KANK2: variants seen among roughly 807,000 people sequenced by gnomAD.
KANK2 encodes the protein KN motif and ankyrin repeat domains 2.
Under a neutral mutation model 74.6 loss-of-function variants are expected in KANK2, and 41 were observed. That is an observed-to-expected ratio of 0.55 (90% CI 0.43 to 0.71). The LOEUF is 0.71. KANK2 is among the 30% of genes least tolerant of loss of function. The pLI, the probability that KANK2 is intolerant of heterozygous loss-of-function variation, is 0.00. For missense variants in KANK2, 1,148 were observed against 1,196.4 expected, an observed-to-expected ratio of 0.96 and a Z score of 0.60; for synonymous variants, 537 against 519.0, an observed-to-expected ratio of 1.03 and a Z score of -0.47.
rs1414406061 is a variant in KANK2 at position 11,166,288 on chromosome 19, G to A, written c.*270C>T. 1 of 366,632 alleles carries A rather than the reference G, an allele frequency of 2.7e-6. No individual in the cohort carries two copies. The highest frequency in any genetic ancestry group is 4.4e-5 in the Admixed American group (1 of 22,592). 22.7% of individuals were successfully genotyped at this position (366,632 alleles called of 1,614,324 possible). A position where few individuals can be genotyped will look rare whatever the true frequency, so the allele number is the denominator to read the frequency against. On this transcript the variant is annotated 3_prime_UTR_variant, in exon 13 of 13. Coordinates refer to ENST00000586659, the MANE Select transcript of KANK2 (RefSeq NM_001136191.3). ...TGTTCTTCATAAAACCCACACCCCAGCATCAGCCCTGGCGCCAATGTATAC... is the reference window on the plus strand; with the variant it reads ...TGTTCTTCATAAAACCCACACCCCAACATCAGCCCTGGCGCCAATGTATAC...
chr19:11,172,696 C>T (rs1249930562), intron 10 of KANK2, among the ~76,000 whole-genome samples: 2 of 152,172 alleles, frequency 1.3e-5, no homozygotes, highest in African/African-American at 2.4e-5. Flanking sequence ...GGAGACCATG[C>T]CTGCTTGTTC....
rs965031582 is a variant in KANK2, at chr19:11,170,849, G to A, written c.2212-601C>T. Among the ~76,000 whole-genome samples the A allele has an allele frequency of 6.6e-6, 1 of 152,116 alleles. No individual in the cohort carries two copies. The highest frequency in any genetic ancestry group is 2.1e-4 in the South Asian group (1 of 4,818). On this transcript the variant is annotated intron_variant, in intron 10 of 12. Coordinates refer to ENST00000586659, the MANE Select transcript of KANK2 (RefSeq NM_001136191.3). This position sits in a 1 kb window ranked among gnomAD's most constrained non-coding sequence, Gnocchi z 5.2. ...TTAATTATTTTTTTTTGGAGATGGC[G>A]TCTCGCTCTGTCACCAGGCTGGAGT... is the stretch of plus-strand genomic sequence containing the variant.
In KANK2 at chr19:11,192,791, C is replaced by T. The variant is rs199529899; in HGVS notation, c.1249+40G>A. The T allele has an allele frequency of 1.9e-4, 298 of 1,582,598 alleles. 5 individuals are homozygous for T. Among genetic ancestry groups the T allele is most frequent in the Admixed American group, 6.5e-4 (38 of 58,692 alleles). On this transcript the variant is annotated intron_variant, in intron 4 of 12. Coordinates refer to ENST00000586659, the MANE Select transcript of KANK2 (RefSeq NM_001136191.3). The stretch of plus-strand genomic sequence containing the variant: ...GCCATGGGAAGAAAGAGGCCCCCCC[C>T]CCCCAAGCCATTCTCCCCTGCCTGC...
At chr19:11,189,098 T>TCC (rs71297565) in intron 4 of KANK2, among the ~76,000 whole-genome samples, 1,928 of 126,482 alleles carry the variant, frequency 0.015, 56 homozygotes, top group African/African-American at 0.053. Flanking sequence ...ATTGATTCTC[T>TCC]CCCCCCCCAC....
rs565754953 is a variant in KANK2 at position 11,175,310 on chromosome 19, C to T, written c.1848+592G>A. 5.9e-4 allele frequency among the ~76,000 whole-genome samples: 89 copies of T among 151,378 alleles called. 2 individuals carry two copies. The South Asian group carries it at 9.0e-3, about 15-fold the overall frequency. On this transcript the variant is annotated intron_variant, in intron 8 of 12. Coordinates refer to ENST00000586659, the MANE Select transcript of KANK2 (RefSeq NM_001136191.3). ...AGACGTGGTGGCACATGCCTATAGTCCCAGCTACTTGGGAGGTTGAGGCAG... is the reference window on the plus strand; with the variant it reads ...AGACGTGGTGGCACATGCCTATAGTTCCAGCTACTTGGGAGGTTGAGGCAG...
intron 4 of KANK2, among the ~76,000 whole-genome samples, chr19:11,183,861 A>C (rs7254114): frequency 0.35 from 52,770 of 151,616 alleles, 9,442 homozygotes; most frequent in South Asian, 0.47. Flanking sequence ...CTATGTTGGC[A>C]AGGCTGGTCT....
At chr19:11,176,898 TC>T in intron 6 of KANK2, 81 bp from the exon 7 acceptor site, 1 of 1,453,962 alleles carries the variant, frequency 6.9e-7, no homozygotes. Context: ...GATCTGGTGA[TC>T]TGACCTCTGT....
chr19:11,185,254 C>CACA (rs754431499), intron 4 of KANK2, among the ~76,000 whole-genome samples: 1 of 145,662 alleles, frequency 6.9e-6, no homozygotes, highest in African/African-American at 2.5e-5. Context: ...ACCCCATCTC[C>CACA]ACAACAACAA....
Position 11,169,893 on chromosome 19 carries a change from A to G in KANK2, c.2486T>C (p.Met829Thr). 1.2e-6 allele frequency: 2 copies of G among 1,614,134 alleles called. No individual in the cohort carries two copies. Among genetic ancestry groups the G allele is most frequent in the Non-Finnish European group, 1.7e-6 (2 of 1,179,974 alleles). ...GAGACTCACCGAGCACTTGATGTTCATGCGGGAATACAGCATGGACGCAAT... is the reference window on the plus strand; with the variant it reads ...GAGACTCACCGAGCACTTGATGTTCGTGCGGGAATACAGCATGGACGCAAT... ...SEIASMLYSR[M>T]NIKCSFAPMS... The change falls in exon 12 of 13, where the codon ATG (methionine) becomes ACG (threonine). Residue 829 changes from methionine to threonine, a missense_variant. Physicochemically the swap from Met to Thr is moderately conservative, Grantham distance 81. Transcript: ENST00000586659.
In KANK2 at chr19:11,169,655, G is replaced by C. The variant is rs2078115786; in HGVS notation, c.2502+222C>G. The C allele has an allele frequency of 6.8e-6, 4 of 586,262 alleles. No homozygotes were observed. In the East Asian group the frequency reaches 1.1e-4, roughly 17 times the overall value. 36.3% of individuals were successfully genotyped at this position (586,262 alleles called of 1,614,324 possible). A position where few individuals can be genotyped will look rare whatever the true frequency, so the allele number is the denominator to read the frequency against. ...GTCTCTACTAAAAATACAAAAATTAGCCGGGTGTGGTGGTGCACACCTGTT... is the reference window on the plus strand; with the variant it reads ...GTCTCTACTAAAAATACAAAAATTACCCGGGTGTGGTGGTGCACACCTGTT... On this transcript the variant is annotated intron_variant, in intron 12 of 12. Transcript: ENST00000586659.
chr19:11,190,861 G>A (rs886154381), intron 4 of KANK2, among the ~76,000 whole-genome samples: 1 of 151,988 alleles, frequency 6.6e-6, no homozygotes, highest in Non-Finnish European at 1.5e-5. Context: ...CTCCCAAGTA[G>A]CTGGGATTAC....
intron 4 of KANK2, among the ~76,000 whole-genome samples, chr19:11,183,485 CAT>C: frequency 7.8e-6 from 1 of 128,920 alleles, no homozygotes; most frequent in East Asian, 2.0e-4. Context: ...GGGAAAGATT[CAT>C]TCATTCATTC....
chr19:11,183,381 C>T lies in KANK2; in HGVS notation c.1250-4661G>A, dbSNP rs547160933. 9.9e-5 allele frequency among the ~76,000 whole-genome samples: 15 copies of T among 152,274 alleles called. No individual in the cohort carries two copies. The South Asian group carries it at 3.1e-3, about 32-fold the overall frequency. ...GCCAAGCTGGATCTCTATCTCATAG[C>T]ATACACAAGAAAGAAACTGTGAAGA... On this transcript the variant is annotated intron_variant, in intron 4 of 12. Transcript: ENST00000586659.
chr19:11,193,533 C>A lies in KANK2; in HGVS notation c.547G>T (p.Gly183Trp). The A allele has an allele frequency of 6.2e-7, 1 of 1,606,646 alleles. No individual in the cohort carries two copies. The change falls in exon 4 of 13, where the codon GGG becomes TGG. Residue 183 changes from glycine to tryptophan, a missense_variant. Coordinates refer to ENST00000586659, the MANE Select transcript of KANK2 (RefSeq NM_001136191.3). The surrounding 1 kb of genome is among the most constrained non-coding windows in gnomAD (Gnocchi z 9.6). ...TGCTCCCGCACGTGGGCCAGGTGCCCGGCACTGGGAGGCACCGGTGTGGAC... is the reference window on the plus strand; with the variant it reads ...TGCTCCCGCACGTGGGCCAGGTGCCAGGCACTGGGAGGCACCGGTGTGGAC... Reference protein sequence around the residue: ...GLSTPVPPSAGHLAHVREQMA... With the variant: ...GLSTPVPPSAWHLAHVREQMA...
Position 11,170,053 on chromosome 19 carries a change from C to T in KANK2, c.2407G>A (p.Asp803Asn). The change falls in exon 11 of 13, where the codon GAT becomes AAT. Residue 803 changes from aspartate (D) to asparagine (N), a missense_variant. By Grantham distance (23) the Asp-to-Asn change is conservative (BLOSUM62 1). Coordinates refer to ENST00000586659, the MANE Select transcript of KANK2 (RefSeq NM_001136191.3). The surrounding 1 kb of genome is among the most constrained non-coding windows in gnomAD (Gnocchi z 5.2). Reference sequence around the variant, plus strand: ...GCACCTGGTTGGAGACTCACGCGATCTGTGAGTGAGATGTCACAGCTGGGC... The same window carrying T: ...GCACCTGGTTGGAGACTCACGCGATTTGTGAGTGAGATGTCACAGCTGGGC... ...AVPSCDISLTDRDGSTALMVA... is the reference protein window; with the variant it reads ...AVPSCDISLTNRDGSTALMVA... 1 of 1,613,422 alleles carries T rather than the reference C, an allele frequency of 6.2e-7. No individual in the cohort carries two copies. The highest frequency in any genetic ancestry group is 8.5e-7 in the Non-Finnish European group (1 of 1,179,422).
Position 11,175,874 on chromosome 19 carries a change from C to T in KANK2, c.1848+28G>A, listed in dbSNP as rs781564018. The T allele has an allele frequency of 6.3e-6, 10 of 1,596,056 alleles. No individual in the cohort carries two copies. The African/African-American group carries it at 1.2e-4, about 19-fold the overall frequency. On this transcript the variant is annotated intron_variant, in intron 8 of 12. Coordinates refer to ENST00000586659, the MANE Select transcript of KANK2 (RefSeq NM_001136191.3). ...GTGGAGGTAGGGGTCCGGGGGGTGG[C>T]CAACCTAGGCCCAGGGCCAGATCGT...
rs146873665 is a variant in KANK2 at position 11,178,701 on chromosome 19, G to C, written c.1269C>G (p.Ala423=). 2.0e-6 allele frequency: 3 copies of C among 1,535,272 alleles called. No homozygotes were observed. The African/African-American group carries it at 4.3e-5, about 22-fold the overall frequency. ...DGAAGLPEVP[A]ESSSSPPGSE... Reference sequence around the variant, plus strand: ...ACCCCGGGGGTGACGAAGACGATTCGGCAGGAACTTCTGGGAGGCCTGGAG... The same window carrying C: ...ACCCCGGGGGTGACGAAGACGATTCCGCAGGAACTTCTGGGAGGCCTGGAG... The change falls in exon 5 of 13, where the codon GCC becomes GCG. Residue 423 remains alanine (A), a synonymous_variant. Transcript: ENST00000586659.
At chr19:11,190,867 A>T (rs1253311526) in intron 4 of KANK2, among the ~76,000 whole-genome samples, 1 of 151,632 alleles carries the variant, frequency 6.6e-6, no homozygotes, top group Non-Finnish European at 1.5e-5. Context: ...AGTAGCTGGG[A>T]TTACAGGTGC....
rs1032210160 is a variant in KANK2, at chr19:11,170,585, T to G, written c.2212-337A>C. Reference sequence around the variant, plus strand: ...ATGTATTTCATGCCAGTAGTGCTTTTGGTTTTGTTTTGCTTTATTTTAGAG... The same window carrying G: ...ATGTATTTCATGCCAGTAGTGCTTTGGGTTTTGTTTTGCTTTATTTTAGAG... On this transcript the variant is annotated intron_variant, in intron 10 of 12. Coordinates refer to ENST00000586659, the MANE Select transcript of KANK2 (RefSeq NM_001136191.3). The surrounding 1 kb of genome is among the most constrained non-coding windows in gnomAD (Gnocchi z 5.2). 2.0e-5 allele frequency among the ~76,000 whole-genome samples: 3 copies of G among 152,160 alleles called. No homozygotes were observed. The highest frequency in any genetic ancestry group is 7.2e-5 in the African/African-American group (3 of 41,432).
Sources: allele counts gnomAD v4.1 joint callset (sites outside exome capture counted in the v4.1 genomes callset), GRCh38; gene constraint gnomAD v4.1.1; non-coding constraint Gnocchi (gnomAD v3.1); transcripts MANE v1.5; gene names NCBI Gene and HGNC (gene_info 2026-07-23, HGNC 2026-07-21).